The following SNX24 variants were observed in gnomAD, a reference collection of about 807,000 sequenced individuals.
SNX24 encodes the protein sorting nexin-24.
Under a neutral mutation model 28.7 loss-of-function variants are expected in SNX24, and 22 were observed. The ratio of observed to expected loss-of-function variants is 0.77; its 90% confidence interval spans 0.55 to 1.10. The LOEUF is 1.10. Among genes scored for constraint, SNX24 ranks in the 50% least tolerant of loss-of-function variants. The pLI, the probability that SNX24 is intolerant of heterozygous loss-of-function variation, is 0.00. For synonymous variants in SNX24, 69 were observed against 71.5 expected (o/e 0.96, Z 0.18); for missense variants, 221 against 201.1 (o/e 1.10, Z -0.60).
At chr5:122,855,197 A>G (rs1475233598) in intron 1 of SNX24, among the ~76,000 whole-genome samples, 5 of 151,968 alleles carry the variant, frequency 3.3e-5, no homozygotes. Context: ...TCAGCCTGCC[A>G]AGTAGCTGGG....
chr5:122,907,888 T>C (rs577110609), intron 1 of SNX24, among the ~76,000 whole-genome samples: 1 of 151,308 alleles, frequency 6.6e-6, no homozygotes, highest in African/African-American at 2.4e-5. Flanking sequence ...CACTGAATGG[T>C]AATTTTTTTT....
intron 3 of SNX24, among the ~76,000 whole-genome samples, chr5:122,999,107 G>T (rs1354620000): frequency 2.0e-5 from 3 of 152,142 alleles, no homozygotes; most frequent in Non-Finnish European, 4.4e-5. Flanking sequence ...CACTCTGGTA[G>T]ACTTTAAAAA....
At chr5:122,932,858 C>CAAAAAAAAAAA (rs57930558) in intron 1 of SNX24, among the ~76,000 whole-genome samples, 9 of 87,982 alleles carry the variant, frequency 1.0e-4, no homozygotes, top group Non-Finnish European at 1.7e-4. Flanking sequence ...GACTCTGTCT[C>CAAAAAAAAAAA]AAAAAAAAAA....
chr5:122,936,970 G>A (rs1759206993), intron 2 of SNX24, among the ~76,000 whole-genome samples, 153 bp downstream of exon 2: 1 of 152,096 alleles, frequency 6.6e-6, no homozygotes, highest in Admixed American at 6.5e-5. Flanking sequence ...TTTGGAATAA[G>A]TTATTCAGTT....
chr5:122,964,746 C>T (rs1760645194), intron 3 of SNX24, among the ~76,000 whole-genome samples: 1 of 152,118 alleles, frequency 6.6e-6, no homozygotes, highest in Non-Finnish European at 1.5e-5. Flanking sequence ...CTATATTCCT[C>T]AGTTATTCCC....
At chr5:122,948,991 C>T (rs1406083623) in intron 3 of SNX24, among the ~76,000 whole-genome samples, 1 of 152,144 alleles carries the variant, frequency 6.6e-6, no homozygotes, top group African/African-American at 2.4e-5. Context: ...TTTTTTAAAT[C>T]AATAACTTGA....
At position 122,853,149 on chromosome 5, in the gene SNX24, G is replaced by A. The variant is rs1331797062; in HGVS notation, c.60+7456G>A. ...TTTTTTTTTTTTTTTTTTTTGAGAC[G>A]GATTCTTCGCTCTGTTGCCCAGGCT... On this transcript the variant is annotated intron_variant, in intron 1 of 6. Coordinates refer to ENST00000261369, the MANE Select transcript of SNX24 (RefSeq NM_014035.4). Among the ~76,000 whole-genome samples the A allele has an allele frequency of 3.6e-5, 4 of 111,252 alleles. 1 individual carries two copies. Among genetic ancestry groups the A allele is most frequent in the Non-Finnish European group, 5.3e-5 (3 of 56,856 alleles). 73.0% of individuals were successfully genotyped at this position (111,252 alleles called of 152,430 possible).
At chr5:122,865,888 A>G (rs943714994) in intron 1 of SNX24, among the ~76,000 whole-genome samples, 1 of 152,214 alleles carries the variant, frequency 6.6e-6, no homozygotes, top group African/African-American at 2.4e-5. Context: ...CCTAGAAGAG[A>G]AGGTAGAATC....
intron 1 of SNX24, among the ~76,000 whole-genome samples, chr5:122,897,929 T>G (rs1757273481): frequency 6.6e-6 from 1 of 152,182 alleles, no homozygotes; most frequent in Non-Finnish European, 1.5e-5. Flanking sequence ...TGTTGCTTCT[T>G]GGGGGAAAAT....
At chr5:122,877,024 GACTACCTTTGTTCTTT>G (rs1756255204) in intron 1 of SNX24, among the ~76,000 whole-genome samples, 1 of 152,186 alleles carries the variant, frequency 6.6e-6, no homozygotes, top group African/African-American at 2.4e-5. Context: ...CCCTGAGGAG[GACTACCTTTGTTCTTT>G]GTCCTCCTGG....
chr5:122,981,353 C>A (rs1761385296), intron 3 of SNX24, among the ~76,000 whole-genome samples: 1 of 152,110 alleles, frequency 6.6e-6, no homozygotes, highest in African/African-American at 2.4e-5. Flanking sequence ...TAGTATTTAG[C>A]CAAATCCTCT....
intron 3 of SNX24, among the ~76,000 whole-genome samples, chr5:122,947,487 T>C (rs1338897964): frequency 6.6e-6 from 1 of 152,162 alleles, no homozygotes; most frequent in Non-Finnish European, 1.5e-5. Flanking sequence ...CCTGAAGACA[T>C]CTGAGGCAGG....
chr5:122,918,384 A>G (rs921283693), intron 1 of SNX24, among the ~76,000 whole-genome samples: 14 of 152,340 alleles, frequency 9.2e-5, no homozygotes, highest in East Asian at 3.9e-4. Flanking sequence ...GCCAAATTAT[A>G]TAATTTGGAT....
intron 1 of SNX24, among the ~76,000 whole-genome samples, chr5:122,870,108 T>C (rs1429158729): frequency 6.6e-6 from 1 of 152,184 alleles, no homozygotes; most frequent in Non-Finnish European, 1.5e-5. Context: ...GTAAAAAGCA[T>C]TTTGCTTGTA....
intron 1 of SNX24, among the ~76,000 whole-genome samples, chr5:122,897,597 T>C (rs991322027): frequency 6.6e-6 from 1 of 152,158 alleles, no homozygotes; most frequent in Non-Finnish European, 1.5e-5. Flanking sequence ...TACTTATTTG[T>C]GACAATACAA....
At chr5:123,013,238 G>A (rs1762624147), downstream of SNX24, among the ~76,000 whole-genome samples, 1 of 152,204 alleles carries the variant, frequency 6.6e-6, no homozygotes, top group African/African-American at 2.4e-5. Context: ...AAGGCACTAT[G>A]TTAATTACTT....
chr5:122,989,342 T>C (rs34345911), intron 3 of SNX24, among the ~76,000 whole-genome samples: 4,179 of 152,058 alleles, frequency 0.027, 76 homozygotes, highest in Non-Finnish European at 0.037. Context: ...ACAACTAAGC[T>C]CAAAGACCAT....
intron 3 of SNX24, among the ~76,000 whole-genome samples, chr5:122,982,120 A>G (rs1166394180): frequency 6.6e-6 from 1 of 152,148 alleles, no homozygotes; most frequent in Non-Finnish European, 1.5e-5. Context: ...TTCTGTATTA[A>G]TTTTGTCCCT....
intron 1 of SNX24, among the ~76,000 whole-genome samples, chr5:122,913,863 C>G (rs2150093309): frequency 6.6e-6 from 1 of 152,286 alleles, no homozygotes; most frequent in East Asian, 1.9e-4. Context: ...ATCCTGGCAC[C>G]TTGGGAGGCC....
Sources: gnomAD v4.1 joint callset for allele counts (sites outside exome capture counted in the v4.1 genomes callset) on GRCh38, gnomAD v4.1.1 for gene constraint, MANE v1.5 for transcripts, NCBI Gene and HGNC (gene_info 2026-07-23, HGNC 2026-07-21) for gene names.